The following VANGL2 variants were observed in gnomAD, a reference collection of about 807,000 sequenced individuals.
VANGL2 encodes the protein vang-like protein 2.
In VANGL2, 14 loss-of-function variants were observed where a neutral mutation model predicts 50.2. The observed-to-expected ratio is 0.28, with a 90% CI of 0.18 to 0.44. VANGL2 has a LOEUF of 0.44. Among genes scored for constraint, VANGL2 ranks in the 20% least tolerant of loss-of-function variants. VANGL2 has a pLI of 1.00. For missense variants in VANGL2, 533 were observed against 701.5 expected, an observed-to-expected ratio of 0.76 and a Z score of 2.71; for synonymous variants, 295 against 297.2, an observed-to-expected ratio of 0.99 and a Z score of 0.08.
At chr1:160,409,098 G>A (rs539842025) in intron 1 of VANGL2, among the ~76,000 whole-genome samples, 1 of 152,322 alleles carries the variant, frequency 6.6e-6, no homozygotes, top group South Asian at 2.1e-4. Flanking sequence ...CTTTGTCCCT[G>A]GTGAGAAGAG....
chr1:160,419,502 C>T lies in VANGL2; in HGVS notation c.693C>T (p.Tyr231=). ...SLVDALLFVH[Y]LAVVLLELRQ... is the part of the protein sequence containing the mutation. ...TGGACGCCCTTCTTTTCGTGCACTA[C>T]CTGGCCGTGGTCCTGCTGGAGCTGC... Residue 231 remains tyrosine (Y), a synonymous_variant, in exon 4 of 8, where the codon TAC becomes TAT. Coordinates refer to ENST00000368061, the MANE Select transcript of VANGL2 (RefSeq NM_020335.3). The surrounding 1 kb of genome is among the most constrained non-coding windows in gnomAD (Gnocchi z 5.8). 6.2e-7 allele frequency: 1 copy of T among 1,603,810 alleles called. No homozygotes were observed. Among genetic ancestry groups the T allele is most frequent in the East Asian group, 2.2e-5 (1 of 44,872 alleles).
intron 3 of VANGL2, 96 bp downstream of exon 3, chr1:160,416,278 G>C (rs77540462): frequency 6.3e-7 from 1 of 1,597,804 alleles, no homozygotes; most frequent in Admixed American, 1.7e-5. Context: ...TTGGAAACCT[G>C]GTCTCAGACA....
intron 6 of VANGL2, among the ~76,000 whole-genome samples, chr1:160,423,492 G>C (rs1651338111): frequency 6.6e-6 from 1 of 152,098 alleles, no homozygotes; most frequent in African/African-American, 2.4e-5. Flanking sequence ...CAGTCCTCTT[G>C]TGAATTTTCT....
chr1:160,425,431 A>AAACCCGGGGGGGCCCGGGGGGGGGGGGGC lies in VANGL2; in HGVS notation c.*53_*54insAACCCGGGGGGGCCCGGGGGGGGGGGGGC. 1 of 189,358 alleles carries AAACCCGGGGGGGCCCGGGGGGGGGGGGGC rather than the reference A, an allele frequency of 5.3e-6. No individual in the cohort carries two copies. The highest frequency in any genetic ancestry group is 9.3e-6 in the Non-Finnish European group (1 of 107,972). The allele number at this position is 189,358 out of a possible 1,614,324, so 11.7% of individuals were successfully genotyped here. On this transcript the variant is annotated 3_prime_UTR_variant, in exon 8 of 8. Coordinates refer to ENST00000368061, the MANE Select transcript of VANGL2 (RefSeq NM_020335.3). The stretch of plus-strand genomic sequence containing the variant: ...CTCTGGGGGGTCCTGAGGGGGTGGG[A>AAACCCGGGGGGGCCCGGGGGGGGGGGGGC]GGGGGCTTGGTTCTCAGGCCCAGCC...
chr1:160,416,926 T>A (rs890897299), intron 3 of VANGL2, among the ~76,000 whole-genome samples: 1 of 152,102 alleles, frequency 6.6e-6, no homozygotes, highest in African/African-American at 2.4e-5. Context: ...TCAGAAGAAA[T>A]CTCTGTGGCT....
intron 7 of VANGL2, 114 bp from the exon 8 acceptor site, chr1:160,425,004 T>C: frequency 6.9e-7 from 1 of 1,442,296 alleles, no homozygotes; most frequent in Non-Finnish European, 9.7e-7. Context: ...CTAGTTCATA[T>C]GCATAGAGTG....
intron 1 of VANGL2, among the ~76,000 whole-genome samples, chr1:160,413,059 G>A (rs756653887): frequency 3.3e-5 from 5 of 152,136 alleles, no homozygotes; most frequent in Non-Finnish European, 2.9e-5. Context: ...ATTCTATGAT[G>A]TTCCCAGGAT....
At chr1:160,412,908 C>T (rs1374951498) in intron 1 of VANGL2, among the ~76,000 whole-genome samples, 1 of 152,168 alleles carries the variant, frequency 6.6e-6, no homozygotes, top group Non-Finnish European at 1.5e-5. Flanking sequence ...TTTAGGTACA[C>T]AAGTACTTAC....
intron 3 of VANGL2, 41 bp from the exon 4 acceptor site, chr1:160,418,961 C>T (rs767544555): frequency 4.4e-6 from 7 of 1,579,754 alleles, no homozygotes; most frequent in Non-Finnish European, 6.0e-6. Flanking sequence ...TCTTCTTATC[C>T]TTTCCTCCTT....
chr1:160,407,495 C>T (rs1007037537), intron 1 of VANGL2, among the ~76,000 whole-genome samples: 7 of 152,204 alleles, frequency 4.6e-5, no homozygotes, highest in Non-Finnish European at 8.8e-5. Flanking sequence ...TCCATCCTCA[C>T]AGCTCAACTC....
At chr1:160,405,909 C>T (rs911711398) in intron 1 of VANGL2, among the ~76,000 whole-genome samples, 3 of 152,156 alleles carry the variant, frequency 2.0e-5, no homozygotes, top group Non-Finnish European at 4.4e-5. Context: ...GACAACCCTG[C>T]ACCTAGAGGT....
Position 160,425,744 on chromosome 1 carries a change from G to T in VANGL2, c.*366G>T. 1 of 192,382 alleles carries T rather than the reference G, an allele frequency of 5.2e-6. No individual in the cohort carries two copies. The highest frequency in any genetic ancestry group is 1.1e-5 in the Non-Finnish European group (1 of 92,574). 11.9% of individuals were successfully genotyped at this position (192,382 alleles called of 1,614,324 possible). ...TGCTGATTGTACTTTCCCCTCCTGAGCCCCGACTCACAAATCCAAGTTCTT... is the reference window on the plus strand; with the variant it reads ...TGCTGATTGTACTTTCCCCTCCTGATCCCCGACTCACAAATCCAAGTTCTT... On this transcript the variant is annotated 3_prime_UTR_variant, in exon 8 of 8. Coordinates refer to ENST00000368061, the MANE Select transcript of VANGL2 (RefSeq NM_020335.3).
intron 1 of VANGL2, among the ~76,000 whole-genome samples, chr1:160,407,057 G>A (rs1177133790): frequency 6.6e-6 from 1 of 152,154 alleles, no homozygotes; most frequent in African/African-American, 2.4e-5. Context: ...GGGTAAGTAG[G>A]GTTTAGATAG....
intron 1 of VANGL2, among the ~76,000 whole-genome samples, chr1:160,408,025 C>T (rs1449408820): frequency 6.6e-6 from 1 of 152,196 alleles, no homozygotes; most frequent in Non-Finnish European, 1.5e-5. Flanking sequence ...AGCCTTTCCA[C>T]CCCCAGTGTT....
At chr1:160,424,326 T>A (rs954929782) in intron 7 of VANGL2, 43 bp downstream of exon 7, 4 of 1,568,854 alleles carry the variant, frequency 2.5e-6, no homozygotes, top group Non-Finnish European at 3.5e-6. Context: ...CTTCCCCAGC[T>A]CCTCTTCTTT....
chr1:160,416,968 G>C (rs1651085586), intron 3 of VANGL2, among the ~76,000 whole-genome samples: 1 of 152,102 alleles, frequency 6.6e-6, no homozygotes, highest in African/African-American at 2.4e-5. Context: ...TTGGGAGCAG[G>C]TCAATACCTG....
chr1:160,404,079 G>T (rs373972547), intron 1 of VANGL2, among the ~76,000 whole-genome samples: 1 of 152,246 alleles, frequency 6.6e-6, no homozygotes, highest in East Asian at 1.9e-4. Flanking sequence ...GGATGGTTCG[G>T]ATTCTGAGGG....
chr1:160,421,854 G>T (rs1343299830), intron 6 of VANGL2, among the ~76,000 whole-genome samples: 1 of 152,184 alleles, frequency 6.6e-6, no homozygotes, highest in Admixed American at 6.5e-5. Context: ...TAGCCTGCCT[G>T]CCAGTAGATC....
chr1:160,422,235 C>T (rs1021945477), intron 6 of VANGL2, among the ~76,000 whole-genome samples: 1 of 152,206 alleles, frequency 6.6e-6, no homozygotes, highest in African/African-American at 2.4e-5. Flanking sequence ...GGCATTCCAA[C>T]CTGTCTCTAA....
Sources: gnomAD v4.1 joint callset for allele counts (sites outside exome capture counted in the v4.1 genomes callset) on GRCh38, gnomAD v4.1.1 for gene constraint, Gnocchi (gnomAD v3.1) non-coding constraint, MANE v1.5 for transcripts, NCBI Gene and HGNC (gene_info 2026-07-23, HGNC 2026-07-21) for gene names.